The following HHLA1 variants were observed in gnomAD, a reference collection of about 807,000 sequenced individuals.
HHLA1 encodes the protein HHLA1 neighbor of OC90, also known as HERV-H LTR-associating protein 1.
In HHLA1, 72 loss-of-function variants were observed where a neutral mutation model predicts 69.9. The observed-to-expected ratio is 1.03, with a 90% CI of 0.85 to 1.25. The LOEUF (loss-of-function observed/expected upper bound fraction) is 1.25. Among genes scored for constraint, HHLA1 ranks in the 50% most tolerant of loss-of-function variants. HHLA1 has a pLI of 0.00. For synonymous variants in HHLA1, 252 were observed against 233.2 expected (o/e 1.08, Z -0.73); for missense variants, 685 against 642.2 (o/e 1.07, Z -0.72).
intron 7 of HHLA1, among the ~76,000 whole-genome samples, chr8:132,090,323 C>T (rs1242384903): frequency 1.3e-5 from 2 of 152,136 alleles, no homozygotes; most frequent in Non-Finnish European, 2.9e-5. Context: ...CTTCTTTGTT[C>T]ATTTATGGCT....
chr8:132,102,568 C>T (rs115304016), intron 3 of HHLA1, among the ~76,000 whole-genome samples: 3,029 of 152,312 alleles, frequency 0.02, 112 homozygotes, highest in African/African-American at 0.068. Flanking sequence ...ACTTTACCTG[C>T]GCAGTCTACT....
In HHLA1 at chr8:132,062,872, C is replaced by T. The variant is rs1448427277; in HGVS notation, c.*1123G>A. 6.6e-6 allele frequency: 1 copy of T among 152,248 alleles called. No individual in the cohort carries two copies. The highest frequency in any genetic ancestry group is 1.5e-5 in the Non-Finnish European group (1 of 68,092). The allele number at this position is 152,248 out of a possible 1,614,324, so 9.4% of individuals were successfully genotyped here. A position where few individuals can be genotyped will look rare whatever the true frequency, so the allele number is the denominator to read the frequency against. ...CCTGTAAATCCTTGGAATATCCTGC[C>T]TGATGAGTGTCTCTTGTACCTGGGG... is the stretch of plus-strand genomic sequence containing the variant. On this transcript the variant is annotated 3_prime_UTR_variant, in exon 17 of 17. Transcript: ENST00000414222.
chr8:132,079,689 G>A, intron 11 of HHLA1, 29 bp downstream of exon 11: 1 of 1,518,314 alleles, frequency 6.6e-7, no homozygotes, highest in Non-Finnish European at 8.8e-7. Context: ...ACATAGCAAA[G>A]GGGAGGAAAG....
In HHLA1 at chr8:132,079,860, T is replaced by G. The variant is rs1823713606; in HGVS notation, c.783A>C (p.Ala261=). Residue 261 remains alanine (A), a synonymous_variant, in exon 11 of 17, where the codon GCA becomes GCC. Transcript: ENST00000414222. ...PGHWTQSTPW[A]SALRSSPWTE... ...TCCAGGGAGAGGATCTCAGAGCAGA[T>G]GCCCAGGGTGTGCTCTGGGTCCAGT... is the stretch of plus-strand genomic sequence containing the variant. 2 of 1,551,994 alleles carry G rather than the reference T, an allele frequency of 1.3e-6. No individual in the cohort carries two copies. The highest frequency in any genetic ancestry group is 1.7e-6 in the Non-Finnish European group (2 of 1,147,044).
intron 15 of HHLA1, among the ~76,000 whole-genome samples, chr8:132,067,824 T>A (rs796792756): frequency 1.3e-5 from 2 of 152,218 alleles, no homozygotes; most frequent in Admixed American, 1.3e-4. Flanking sequence ...ACTATACCCA[T>A]TTTGTAGATG....
chr8:132,077,736 G>T lies in HHLA1; in HGVS notation c.1161C>A (p.Ser387Arg). The stretch of plus-strand genomic sequence containing the variant: ...AGCACCCTCTCTTACCCAAGGTAGG[G>T]CTGGCCTGGGATGGGCTGCCAGGTG... ...MATPGSPSQA[S>R]PTLGAFTHGT... Residue 387 changes from serine (S) to arginine (R), a missense_variant, in exon 12 of 17, where the codon AGC becomes AGA. Ser to Arg is a moderately radical substitution (Grantham distance 110). Transcript: ENST00000414222. 6.4e-7 allele frequency: 1 copy of T among 1,551,622 alleles called. No individual in the cohort carries two copies. Among genetic ancestry groups the T allele is most frequent in the Non-Finnish European group, 8.7e-7 (1 of 1,146,930 alleles).
At chr8:132,102,534 C>G (rs1412147832) in intron 3 of HHLA1, among the ~76,000 whole-genome samples, 2 of 152,234 alleles carry the variant, frequency 1.3e-5, no homozygotes, top group Non-Finnish European at 2.9e-5. Context: ...GAGGCCACTG[C>G]ACCCCCTCAG....
intron 14 of HHLA1, among the ~76,000 whole-genome samples, chr8:132,075,060 G>A (rs1293405135): frequency 6.6e-6 from 1 of 152,148 alleles, no homozygotes; most frequent in Non-Finnish European, 1.5e-5. Flanking sequence ...TCTCACAACA[G>A]CCTCCATCTG....
chr8:132,086,761 G>T (rs1823871283), intron 10 of HHLA1, among the ~76,000 whole-genome samples: 1 of 152,200 alleles, frequency 6.6e-6, no homozygotes, highest in African/African-American at 2.4e-5. Flanking sequence ...TTATCAAGTA[G>T]TCTTGTCCCA....
chr8:132,110,887 C>T (rs1824284895), intron 1 of HHLA1, among the ~76,000 whole-genome samples: 1 of 152,096 alleles, frequency 6.6e-6, no homozygotes, highest in African/African-American at 2.4e-5. Context: ...TTAAAATGAA[C>T]AACGGCAAGA....
At chr8:132,093,298 G>A (rs1172393446) in intron 7 of HHLA1, among the ~76,000 whole-genome samples, 2 of 151,960 alleles carry the variant, frequency 1.3e-5, no homozygotes, top group Non-Finnish European at 2.9e-5. Flanking sequence ...TAGTTTTCCT[G>A]TCCATGTTGC....
intron 1 of HHLA1, among the ~76,000 whole-genome samples, chr8:132,105,769 T>C (rs1422110549): frequency 1.3e-5 from 2 of 152,232 alleles, no homozygotes; most frequent in African/African-American, 2.4e-5. Flanking sequence ...GGGGGATGCA[T>C]ACATATTCAG....
intron 15 of HHLA1, among the ~76,000 whole-genome samples, chr8:132,066,543 A>G (rs574728939): frequency 5.9e-5 from 9 of 152,344 alleles, no homozygotes; most frequent in South Asian, 2.1e-4. Context: ...CACTCACCCA[A>G]TTAATAGGAA....
At chr8:132,080,297 T>C in intron 10 of HHLA1, 1 of 376,182 alleles carries the variant, frequency 2.7e-6, no homozygotes, top group South Asian at 2.1e-5. Flanking sequence ...TAAAGCTGTT[T>C]ATTTCACCTG....
In HHLA1 at chr8:132,076,139, G is replaced by T. The variant is rs762520900; in HGVS notation, c.1241-10C>A. 27 of 1,546,082 alleles carry T rather than the reference G, an allele frequency of 1.7e-5. No homozygotes were observed. In the South Asian group the frequency reaches 1.8e-4, roughly 10 times the overall value. ...TCTGCAGAGAGATCACCTGCAAAGG[G>T]CAGGAATGGCCTTCCAGAAGTCAGA... On this transcript the variant is annotated splice_polypyrimidine_tract_variant and intron_variant, in intron 13 of 16. Coordinates refer to ENST00000414222, the MANE Select transcript of HHLA1 (RefSeq NM_001145095.3).
At chr8:132,109,674 A>G (rs1824264107) in intron 1 of HHLA1, among the ~76,000 whole-genome samples, 1 of 152,214 alleles carries the variant, frequency 6.6e-6, no homozygotes, top group Non-Finnish European at 1.5e-5. Context: ...CCCAGCTCCC[A>G]GTCACATGAT....
In HHLA1 at chr8:132,099,760, A is replaced by G. The variant is rs138509790; in HGVS notation, c.199+315T>C. Among the ~76,000 whole-genome samples the G allele has an allele frequency of 6.2e-3, 946 of 152,282 alleles. 18 individuals are homozygous for G. The highest frequency in any genetic ancestry group is 0.022 in the African/African-American group (914 of 41,560). On this transcript the variant is annotated intron_variant, in intron 4 of 16. Transcript: ENST00000414222. ...TCCCAGCTACTTGGGAGGCTGAGGC[A>G]GGAGAATCGCTTGAGCCTGGGAGGC...
intron 15 of HHLA1, chr8:132,070,012 G>A (rs944313525): frequency 9.3e-5 from 4 of 42,926 alleles, no homozygotes; most frequent in South Asian, 3.4e-4. Flanking sequence ...TCGTACTGAC[G>A]GGGGGGGGGG....
chr8:132,070,464 T>C (rs1823513989), intron 15 of HHLA1: 1 of 684,250 alleles, frequency 1.5e-6, no homozygotes, highest in Non-Finnish European at 2.7e-6. Flanking sequence ...AAAGAACCAC[T>C]CAAGATCCTC....
Sources: allele counts gnomAD v4.1 joint callset (sites outside exome capture counted in the v4.1 genomes callset), GRCh38; gene constraint gnomAD v4.1.1; transcripts MANE v1.5; gene names NCBI Gene and HGNC (gene_info 2026-07-23, HGNC 2026-07-21).